The following MEI4 variants were observed in gnomAD, a reference collection of about 807,000 sequenced individuals.
MEI4 encodes meiosis-specific protein MEI4.
Under a neutral mutation model 31.4 loss-of-function variants are expected in MEI4, and 27 were observed. That is an observed-to-expected ratio of 0.86 (90% CI 0.63 to 1.19). The LOEUF is 1.19. Among genes scored for constraint, MEI4 ranks in the 50% most tolerant of loss-of-function variants. MEI4 has a pLI of 0.00. For synonymous variants in MEI4, 122 were observed against 145.4 expected, an observed-to-expected ratio of 0.84 and a Z score of 1.16; for missense variants, 329 against 398.9, an observed-to-expected ratio of 0.82 and a Z score of 1.49.
chr6:77,675,597 T>A (rs1013627797), intron 1 of MEI4, among the ~76,000 whole-genome samples: 1 of 151,920 alleles, frequency 6.6e-6, no homozygotes, highest in Non-Finnish European at 1.5e-5. Context: ...AAATATCTCT[T>A]ATCAATACCA....
At chr6:77,884,002 TC>T (rs1314307886) in intron 4 of MEI4, among the ~76,000 whole-genome samples, 1 of 152,022 alleles carries the variant, frequency 6.6e-6, no homozygotes, top group Non-Finnish European at 1.5e-5. Flanking sequence ...GTTATTTTCC[TC>T]TGCATCCTCA....
At chr6:77,745,414 A>C (rs1561970901) in intron 2 of MEI4, among the ~76,000 whole-genome samples, 1 of 152,240 alleles carries the variant, frequency 6.6e-6, no homozygotes, top group Non-Finnish European at 1.5e-5. Context: ...CAACAAAAAG[A>C]GCTAACTATC....
chr6:77,740,289 G>A (rs1444159290), intron 2 of MEI4, among the ~76,000 whole-genome samples: 1 of 152,188 alleles, frequency 6.6e-6, no homozygotes, highest in Non-Finnish European at 1.5e-5. Flanking sequence ...ACATTCTGTT[G>A]TTTTGAGGTA....
chr6:77,906,779 G>T (rs1420315874), intron 4 of MEI4, among the ~76,000 whole-genome samples: 4 of 152,126 alleles, frequency 2.6e-5, no homozygotes, highest in African/African-American at 9.7e-5. Context: ...TTGCCACATT[G>T]GTAACTGTAT....
chr6:77,809,746 G>A (rs1769529127), intron 3 of MEI4, among the ~76,000 whole-genome samples: 1 of 152,080 alleles, frequency 6.6e-6, no homozygotes, highest in African/African-American at 2.4e-5. Flanking sequence ...TAATATTAGG[G>A]AGGGTTTAAG....
At chr6:77,737,107 G>C (rs1215697518) in intron 2 of MEI4, among the ~76,000 whole-genome samples, 2 of 152,204 alleles carry the variant, frequency 1.3e-5, no homozygotes, top group Non-Finnish European at 2.9e-5. Flanking sequence ...GCTGCATTCT[G>C]TAGGCAGTAA....
At chr6:77,916,716 A>G (rs1326971611) in intron 4 of MEI4, among the ~76,000 whole-genome samples, 1 of 151,894 alleles carries the variant, frequency 6.6e-6, no homozygotes, top group Non-Finnish European at 1.5e-5. Flanking sequence ...TTCAAGTTTT[A>G]TTATGAGATT....
At chr6:77,735,091 G>C (rs1332748978) in intron 2 of MEI4, among the ~76,000 whole-genome samples, 8 of 151,814 alleles carry the variant, frequency 5.3e-5, no homozygotes, top group African/African-American at 1.9e-4. Context: ...TTCTACTTCG[G>C]TGAACTGACA....
chr6:77,747,733 C>T (rs1767652794), intron 2 of MEI4, among the ~76,000 whole-genome samples: 1 of 152,186 alleles, frequency 6.6e-6, no homozygotes, highest in Non-Finnish European at 1.5e-5. Flanking sequence ...CATCCCTTTG[C>T]AACAGTCCCC....
chr6:77,918,178 G>C (rs867292597), intron 4 of MEI4, among the ~76,000 whole-genome samples: 1 of 151,874 alleles, frequency 6.6e-6, no homozygotes, highest in Admixed American at 6.6e-5. Context: ...TAGCCTTGTA[G>C]TATAGTTTGA....
intron 3 of MEI4, among the ~76,000 whole-genome samples, chr6:77,800,717 G>A (rs1167125669): frequency 6.7e-6 from 1 of 150,110 alleles, no homozygotes; most frequent in Admixed American, 6.7e-5. Context: ...GTTGAATTTT[G>A]TCAAAGGCCT....
chr6:77,914,629 T>G (rs1766502385), intron 4 of MEI4, among the ~76,000 whole-genome samples: 1 of 152,162 alleles, frequency 6.6e-6, no homozygotes, highest in Non-Finnish European at 1.5e-5. Context: ...TGTTTCTTTG[T>G]TGATTTTCTG....
intron 2 of MEI4, among the ~76,000 whole-genome samples, chr6:77,727,996 T>C (rs753488146): frequency 6.6e-6 from 1 of 152,196 alleles, no homozygotes; most frequent in Non-Finnish European, 1.5e-5. Context: ...ACTGTAATTG[T>C]AAGATTTATA....
chr6:77,731,844 T>C (rs1351886732), intron 2 of MEI4, among the ~76,000 whole-genome samples: 1 of 152,088 alleles, frequency 6.6e-6, no homozygotes, highest in African/African-American at 2.4e-5. Flanking sequence ...GCTTTCTACA[T>C]ATGGCTAGCC....
intron 4 of MEI4, among the ~76,000 whole-genome samples, chr6:77,856,417 T>C (rs2127719742): frequency 6.6e-6 from 1 of 152,280 alleles, no homozygotes; most frequent in Middle Eastern, 3.4e-3. Context: ...CATAAAGCCC[T>C]ACCTATGCCA....
chr6:77,867,888 TA>T (rs1266998825), intron 4 of MEI4, among the ~76,000 whole-genome samples: 3 of 152,076 alleles, frequency 2.0e-5, no homozygotes, highest in African/African-American at 4.8e-5. Context: ...TATGCAGCCA[TA>T]AAAAATGATG....
rs2127738018 is a variant in MEI4 at position 77,909,138 on chromosome 6, A to G, written c.901-13951A>G. On this transcript the variant is annotated intron_variant, in intron 4 of 4. Coordinates refer to ENST00000684080, the MANE Select transcript of MEI4 (RefSeq NM_001322247.2). ...CCTCAGCAAATGTAAAAGAACAGAA[A>G]TTATAATAAAATGTCTCTCAGACCA... is the stretch of plus-strand genomic sequence containing the variant. 2.0e-5 allele frequency among the ~76,000 whole-genome samples: 3 copies of G among 152,268 alleles called. No homozygotes were observed. In the South Asian group the frequency reaches 6.2e-4, roughly 32 times the overall value.
At chr6:77,731,339 A>G (rs1484797024) in intron 2 of MEI4, among the ~76,000 whole-genome samples, 2 of 150,212 alleles carry the variant, frequency 1.3e-5, no homozygotes, top group Admixed American at 6.6e-5. Flanking sequence ...GTGAGATGGT[A>G]TCTCATTGTG....
chr6:77,850,349 A>C (rs948955206), intron 4 of MEI4, among the ~76,000 whole-genome samples: 2 of 152,188 alleles, frequency 1.3e-5, no homozygotes, highest in African/African-American at 4.8e-5. Context: ...CCAAAAGAAC[A>C]AAGCTGGAGG....
Sources: gnomAD v4.1 joint callset for allele counts (sites outside exome capture counted in the v4.1 genomes callset) on GRCh38, gnomAD v4.1.1 for gene constraint, MANE v1.5 for transcripts, NCBI Gene and HGNC (gene_info 2026-07-23, HGNC 2026-07-21) for gene names.